Variants in ADCY10 observed in about 807,000 individuals in gnomAD.
ADCY10 encodes the protein adenylate cyclase type 10.
A neutral mutation model predicts 183.3 loss-of-function variants in ADCY10; 156 were observed. The observed-to-expected ratio is 0.85, with a 90% CI of 0.75 to 0.97. The LOEUF (loss-of-function observed/expected upper bound fraction) is 0.97, where lower values mean the gene tolerates loss of function less well. Ranked by LOEUF, ADCY10 falls within the 50% of genes least tolerant of loss-of-function variation. The pLI, the probability that ADCY10 is intolerant of heterozygous loss-of-function variation, is 0.00. For synonymous variants in ADCY10, 645 were observed against 670.0 expected (o/e 0.96, Z 0.58); for missense variants, 1,745 against 1,934.3 (o/e 0.90, Z 1.84).
chr1:167,846,409 G>A (rs1665032672), intron 19 of ADCY10, 146 bp from the exon 20 acceptor site: 3 of 989,118 alleles, frequency 3.0e-6, no homozygotes, highest in Non-Finnish European at 4.7e-6. Context: ...AGAAGTATTT[G>A]TTTAGTACCT....
In ADCY10 at chr1:167,905,173, C is replaced by T. The variant is rs1362350945; in HGVS notation, c.-33G>A. On this transcript the variant is annotated 5_prime_UTR_variant, in exon 2 of 33. Transcript: ENST00000367851. Reference sequence around the variant, plus strand: ...ACAAATGTTCAGGATTTTATGGTGACAGGAAGCAGTCTCCAAATAGGTCTT... The same window carrying T: ...ACAAATGTTCAGGATTTTATGGTGATAGGAAGCAGTCTCCAAATAGGTCTT... 1.9e-6 allele frequency: 3 copies of T among 1,613,792 alleles called. No homozygotes were observed. Among genetic ancestry groups the T allele is most frequent in the Non-Finnish European group, 2.5e-6 (3 of 1,179,830 alleles).
chr1:167,822,607 G>T (rs1174968240), intron 29 of ADCY10, among the ~76,000 whole-genome samples: 1 of 152,074 alleles, frequency 6.6e-6, no homozygotes, highest in Non-Finnish European at 1.5e-5. Context: ...ATCACCAATA[G>T]CTACCAGCCT....
At chr1:167,837,401 TTCC>T (rs756180029) in intron 21 of ADCY10, 83 bp from the exon 22 acceptor site, 9 of 1,292,048 alleles carry the variant, frequency 7.0e-6, no homozygotes, top group East Asian at 4.7e-5. Context: ...AAGACTCTTG[TTCC>T]CTTTTCGGAG....
chr1:167,854,834 GA>G lies in ADCY10; in HGVS notation c.2172-346del, dbSNP rs533649128. Among the ~76,000 whole-genome samples, 146 of 152,270 alleles carry G rather than the reference GA, an allele frequency of 9.6e-4. 2 individuals carry two copies. Among genetic ancestry groups the G allele is most frequent in the African/African-American group, 3.0e-3 (124 of 41,542 alleles). ...ATGTTCTATATAATTTAAACAGAGA[GA>G]GGGGGAGAGAGAGAGAGAGACCGAC... is the stretch of plus-strand genomic sequence containing the variant. On this transcript the variant is annotated intron_variant, in intron 17 of 32. Coordinates refer to ENST00000367851, the MANE Select transcript of ADCY10 (RefSeq NM_018417.6).
chr1:167,877,426 C>T (rs528905719), intron 12 of ADCY10, among the ~76,000 whole-genome samples: 9 of 151,828 alleles, frequency 5.9e-5, no homozygotes, highest in Admixed American at 3.9e-4. Flanking sequence ...CACCTTGACC[C>T]AACTGCAGCC....
intron 28 of ADCY10, 77 bp from the exon 29 acceptor site, chr1:167,823,200 G>A (rs1663028062): frequency 3.2e-6 from 4 of 1,262,002 alleles, no homozygotes; most frequent in Non-Finnish European, 4.6e-6. Context: ...GCTGAGGTGG[G>A]TGGATCACGA....
At chr1:167,836,733 T>C (rs938965308) in intron 22 of ADCY10, among the ~76,000 whole-genome samples, 193 bp from the exon 23 acceptor site, 2 of 151,470 alleles carry the variant, frequency 1.3e-5, no homozygotes, top group Non-Finnish European at 2.9e-5. Flanking sequence ...CTACTAAAAA[T>C]ATAAAAATTA....
At chr1:167,852,197 T>C (rs1212276053) in intron 18 of ADCY10, among the ~76,000 whole-genome samples, 1 of 152,102 alleles carries the variant, frequency 6.6e-6, no homozygotes. Flanking sequence ...AAACCCAGCA[T>C]TTTGGGAGCC....
At chr1:167,827,707 TAA>T (rs10599580) in intron 26 of ADCY10, among the ~76,000 whole-genome samples, 70,981 of 149,256 alleles carry the variant, frequency 0.48, 17,096 homozygotes, top group African/African-American at 0.56. Context: ...ATTTTAAATT[TAA>T]AAAAAAAAAA....
In ADCY10 at chr1:167,860,998, A is replaced by G. The variant is rs768287677; in HGVS notation, c.1682T>C (p.Met561Thr). ...HQTFYTIQMF[M>T]ANVLGLDTCK... Reference sequence around the variant, plus strand: ...AGTGTCTAGGCCTAGGACATTGGCCATGAACATCTGGATGGTATAGAAAGT... The same window carrying G: ...AGTGTCTAGGCCTAGGACATTGGCCGTGAACATCTGGATGGTATAGAAAGT... The change falls in exon 15 of 33, where the codon ATG (methionine) becomes ACG (threonine). Residue 561 changes from methionine to threonine, a missense_variant. Transcript: ENST00000367851. 1.2e-5 allele frequency: 20 copies of G among 1,613,978 alleles called. No homozygotes were observed. The highest frequency in any genetic ancestry group is 1.6e-5 in the Non-Finnish European group (19 of 1,179,924).
intron 14 of ADCY10, among the ~76,000 whole-genome samples, chr1:167,867,263 C>T (rs1456712622): frequency 6.6e-6 from 1 of 152,184 alleles, no homozygotes; most frequent in Non-Finnish European, 1.5e-5. Context: ...CCAACCTCTG[C>T]AAAGTGACTC....
chr1:167,813,190 A>G (rs146563507), intron 31 of ADCY10, among the ~76,000 whole-genome samples: 1,664 of 152,322 alleles, frequency 0.011, 19 homozygotes, highest in Non-Finnish European at 0.014. Flanking sequence ...TTAAAGAGAT[A>G]CACACTGAGA....
intron 30 of ADCY10, chr1:167,820,094 G>A: frequency 6.4e-7 from 1 of 1,569,228 alleles, no homozygotes; most frequent in Non-Finnish European, 8.7e-7. Flanking sequence ...GGCTATGGTT[G>A]TCCTGACATC....
At chr1:167,856,705 G>A (rs1295806723) in intron 16 of ADCY10, among the ~76,000 whole-genome samples, 2 of 152,210 alleles carry the variant, frequency 1.3e-5, no homozygotes, top group African/African-American at 4.8e-5. Context: ...TTGGAGAATA[G>A]ATGGAGTTTT....
chr1:167,870,821 A>AC (rs1221589944), intron 13 of ADCY10, among the ~76,000 whole-genome samples: 29 of 151,862 alleles, frequency 1.9e-4, no homozygotes, highest in African/African-American at 6.5e-4. Context: ...AAAAAAAAAA[A>AC]AACTTGGAAT....
chr1:167,893,122 A>G (rs1318647152), intron 8 of ADCY10, among the ~76,000 whole-genome samples: 1 of 152,224 alleles, frequency 6.6e-6, no homozygotes, highest in African/African-American at 2.4e-5. Flanking sequence ...TGGAGGGTGG[A>G]GGTAGCTCAG....
chr1:167,875,091 A>T (rs745386222), intron 13 of ADCY10, 40 bp downstream of exon 13: 1 of 1,530,572 alleles, frequency 6.5e-7, no homozygotes, highest in Non-Finnish European at 9.1e-7. Flanking sequence ...GTTTTGTTTT[A>T]GTTCAATAAA....
At chr1:167,893,770 G>A (rs926672773) in intron 8 of ADCY10, 83 bp downstream of exon 8, 18 of 741,820 alleles carry the variant, frequency 2.4e-5, no homozygotes, top group Non-Finnish European at 3.7e-5. Context: ...AGTAGCTGCT[G>A]TTTTTTTTTT....
chr1:167,821,970 T>G, intron 30 of ADCY10, 54 bp downstream of exon 30: 1 of 1,230,284 alleles, frequency 8.1e-7, no homozygotes, highest in Non-Finnish European at 1.2e-6. Context: ...GAACTCTTCC[T>G]TGGGATTCAA....
Sources: gnomAD v4.1 joint callset for allele counts (sites outside exome capture counted in the v4.1 genomes callset) on GRCh38, gnomAD v4.1.1 for gene constraint, MANE v1.5 for transcripts, NCBI Gene and HGNC (gene_info 2026-07-23, HGNC 2026-07-21) for gene names.